Variants in LRP1B observed in about 807,000 individuals in gnomAD.
LRP1B encodes LDL receptor related protein 1B.
LRP1B carries 217 observed loss-of-function variants against 556.6 expected under a neutral mutation model. The observed-to-expected ratio is 0.39, with a 90% CI of 0.35 to 0.44. LRP1B has a LOEUF of 0.44. LRP1B is among the 20% of genes least tolerant of loss of function. The probability of loss-of-function intolerance (pLI) is 1.00; values close to 1 mark genes in which losing one functional copy is unlikely to be tolerated. For synonymous variants in LRP1B, 2,047 were observed against 1,865.8 expected (o/e 1.10, Z -2.50); for missense variants, 5,053 against 5,620.8 (o/e 0.90, Z 3.23).
rs573799788 is a variant in LRP1B, at chr2:141,833,899, G to A, written c.83-23498C>T. Among the ~76,000 whole-genome samples the A allele has an allele frequency of 2.3e-4, 35 of 151,938 alleles. No homozygotes were observed. In the South Asian group the frequency reaches 5.4e-3, roughly 23 times the overall value. On this transcript the variant is annotated intron_variant, in intron 1 of 90. Transcript: ENST00000389484. Reference sequence around the variant, plus strand: ...AGAACATCTTTGAGTGGGGTTTGAAGGATGAAGATGGATTTCCTAGGGATA... The same window carrying A: ...AGAACATCTTTGAGTGGGGTTTGAAAGATGAAGATGGATTTCCTAGGGATA...
intron 31 of LRP1B, among the ~76,000 whole-genome samples, chr2:140,825,184 G>C (rs752751611): frequency 1.1e-4 from 17 of 152,160 alleles, no homozygotes; most frequent in Non-Finnish European, 1.9e-4. Context: ...TTATTAGATA[G>C]GAGTGAGTGA....
chr2:141,030,808 A>C (rs1258600512), intron 11 of LRP1B, among the ~76,000 whole-genome samples: 1 of 152,072 alleles, frequency 6.6e-6, no homozygotes, highest in Middle Eastern at 3.2e-3. Context: ...AGGAATAATA[A>C]AGAAAAAATA....
intron 1 of LRP1B, among the ~76,000 whole-genome samples, chr2:142,075,762 G>A (rs994858280): frequency 3.9e-5 from 6 of 151,908 alleles, no homozygotes; most frequent in East Asian, 1.9e-4. Flanking sequence ...CTCCCTCCAC[G>A]TTAATCAAGA....
chr2:141,453,817 G>A (rs1442883817), intron 3 of LRP1B, among the ~76,000 whole-genome samples: 1 of 151,866 alleles, frequency 6.6e-6, no homozygotes, highest in African/African-American at 2.4e-5. Flanking sequence ...AGGAGGCTGA[G>A]GCAGGAGAAT....
In LRP1B at chr2:141,570,769, C is replaced by A. The variant is rs146840009; in HGVS notation, c.206-90236G>T. ...ATCAAGACTTCTCCCCACAGCCCAA[C>A]ACACCAGCTGTGGTAATCTGCAGCC... On this transcript the variant is annotated intron_variant, in intron 2 of 90. Transcript: ENST00000389484. Among the ~76,000 whole-genome samples the A allele has an allele frequency of 1.9e-3, 292 of 151,528 alleles. 4 individuals carry two copies. Among genetic ancestry groups the A allele is most frequent in the African/African-American group, 6.8e-3 (284 of 41,526 alleles).
chr2:140,318,698 T>TCCCA (rs1684640135), intron 82 of LRP1B, among the ~76,000 whole-genome samples: 1 of 152,060 alleles, frequency 6.6e-6, no homozygotes, highest in Non-Finnish European at 1.5e-5. Flanking sequence ...GATACTGGGA[T>TCCCA]GTATTGTGTG....
At position 141,990,529 on chromosome 2, in the gene LRP1B, T is replaced by C. The variant is rs980628776; in HGVS notation, c.82+140119A>G. Among the ~76,000 whole-genome samples the C allele has an allele frequency of 4.6e-5, 7 of 152,022 alleles. No homozygotes were observed. The East Asian group carries it at 1.3e-3, about 29-fold the overall frequency. On this transcript the variant is annotated intron_variant, in intron 1 of 90. Transcript: ENST00000389484. ...AATTGACAAGTTTTTTTACAACATATAAAGAAAGCAGCTGTCTTAGTGTTT... is the reference window on the plus strand; with the variant it reads ...AATTGACAAGTTTTTTTACAACATACAAAGAAAGCAGCTGTCTTAGTGTTT...
chr2:141,500,954 G>T (rs1460420795), intron 2 of LRP1B, among the ~76,000 whole-genome samples: 2 of 151,706 alleles, frequency 1.3e-5, no homozygotes, highest in African/African-American at 4.8e-5. Context: ...TTCATTGTTT[G>T]CCCTTCTCTT....
intron 43 of LRP1B, among the ~76,000 whole-genome samples, chr2:140,595,866 G>A (rs1199961302): frequency 2.0e-5 from 3 of 152,038 alleles, no homozygotes; most frequent in African/African-American, 7.2e-5. Flanking sequence ...TGCATAAAAA[G>A]TATAATTTTT....
At chr2:140,600,485 T>C (rs148068557) in intron 42 of LRP1B, among the ~76,000 whole-genome samples, 2 of 152,242 alleles carry the variant, frequency 1.3e-5, no homozygotes, top group African/African-American at 4.8e-5. Flanking sequence ...ATTTCTGTTA[T>C]TTAGTCCTTT....
chr2:140,242,210 G>A (rs1263263577), intron 87 of LRP1B, among the ~76,000 whole-genome samples: 1 of 150,930 alleles, frequency 6.6e-6, no homozygotes, highest in Non-Finnish European at 1.5e-5. Context: ...TATAATATGG[G>A]TATCATCATT....
chr2:141,600,547 A>G (rs1687690618), intron 2 of LRP1B, among the ~76,000 whole-genome samples: 1 of 152,056 alleles, frequency 6.6e-6, no homozygotes, highest in South Asian at 2.1e-4. Flanking sequence ...GTGAACTAGA[A>G]GCTGTAGTCT....
chr2:141,188,382 C>A (rs765642187), intron 7 of LRP1B, 39 bp downstream of exon 7: 3 of 1,584,154 alleles, frequency 1.9e-6, no homozygotes, highest in Non-Finnish European at 2.6e-6. Context: ...TTTTTAAACG[C>A]AAACTTTTTT....
At chr2:140,786,260 C>T (rs1024360786) in intron 32 of LRP1B, among the ~76,000 whole-genome samples, 5 of 152,130 alleles carry the variant, frequency 3.3e-5, no homozygotes, top group African/African-American at 9.7e-5. Context: ...ATAGATTAAC[C>T]ATGTTATGTC....
intron 43 of LRP1B, among the ~76,000 whole-genome samples, chr2:140,582,458 A>C (rs567114206): frequency 6.6e-6 from 1 of 152,312 alleles, no homozygotes; most frequent in South Asian, 2.1e-4. Context: ...GTCTTCCAAA[A>C]TTTATGTGTT....
chr2:141,388,851 C>T (rs981396638), intron 3 of LRP1B, among the ~76,000 whole-genome samples: 3 of 152,026 alleles, frequency 2.0e-5, no homozygotes, highest in Non-Finnish European at 4.4e-5. Flanking sequence ...GATTATGTTC[C>T]TCACACTAGC....
At chr2:141,730,926 A>C (rs1310829965) in intron 2 of LRP1B, among the ~76,000 whole-genome samples, 1 of 152,118 alleles carries the variant, frequency 6.6e-6, no homozygotes, top group Non-Finnish European at 1.5e-5. Context: ...AATACTCCTA[A>C]AGGGGCCAGT....
chr2:141,290,277 AATG>A (rs1215679535), intron 3 of LRP1B, among the ~76,000 whole-genome samples: 1 of 152,196 alleles, frequency 6.6e-6, no homozygotes, highest in Non-Finnish European at 1.5e-5. Flanking sequence ...TAATAGAAAG[AATG>A]ATAAGATTCA....
At chr2:141,780,379 T>C (rs1221883949) in intron 2 of LRP1B, among the ~76,000 whole-genome samples, 1 of 152,080 alleles carries the variant, frequency 6.6e-6, no homozygotes, top group East Asian at 1.9e-4. Flanking sequence ...CTATTTCCCT[T>C]TGGGATTTTA....
Sources: gnomAD v4.1 joint callset for allele counts (sites outside exome capture counted in the v4.1 genomes callset) on GRCh38, gnomAD v4.1.1 for gene constraint, MANE v1.5 for transcripts, NCBI Gene and HGNC (gene_info 2026-07-23, HGNC 2026-07-21) for gene names.